The following ARHGAP15 variants were observed in gnomAD, a reference collection of about 807,000 sequenced individuals.
The protein encoded by ARHGAP15 is Rho GTPase activating protein 15.
Under a neutral mutation model 63.7 loss-of-function variants are expected in ARHGAP15, and 51 were observed. The observed-to-expected ratio is 0.80, with a 90% CI of 0.64 to 1.01. The LOEUF (loss-of-function observed/expected upper bound fraction) is 1.01, where lower values mean the gene tolerates loss of function less well. Among genes scored for constraint, ARHGAP15 ranks in the 50% least tolerant of loss-of-function variants. ARHGAP15 has a pLI of 0.00. For synonymous variants in ARHGAP15, 191 were observed against 193.8 expected (o/e 0.99, Z 0.12); for missense variants, 560 against 564.6 (o/e 0.99, Z 0.08).
intron 2 of ARHGAP15, among the ~76,000 whole-genome samples, chr2:143,159,026 C>A (rs1378741957): frequency 1.3e-5 from 2 of 151,890 alleles, no homozygotes; most frequent in Non-Finnish European, 2.9e-5. Context: ...AGAGTAGTTT[C>A]GGCATTTAAT....
intron 4 of ARHGAP15, among the ~76,000 whole-genome samples, chr2:143,226,962 CA>C: frequency 1.3e-5 from 2 of 152,176 alleles, no homozygotes; most frequent in South Asian, 4.1e-4. Flanking sequence ...CAAAGATCTT[CA>C]ATAGTCATTT....
chr2:143,586,705 T>A (rs1037173731), intron 11 of ARHGAP15, among the ~76,000 whole-genome samples: 4 of 152,162 alleles, frequency 2.6e-5, no homozygotes, highest in Non-Finnish European at 5.9e-5. Flanking sequence ...GGTTAACTAT[T>A]TGTCTGAATT....
At chr2:143,173,532 A>G (rs1237768610) in intron 2 of ARHGAP15, among the ~76,000 whole-genome samples, 3 of 152,268 alleles carry the variant, frequency 2.0e-5, no homozygotes, top group Middle Eastern at 3.4e-3. Context: ...CATGCAAAAT[A>G]AATGTTCAAA....
Position 143,477,606 on chromosome 2 carries a change from T to C in ARHGAP15, c.704-9767T>C, listed in dbSNP as rs576542936. Among the ~76,000 whole-genome samples the C allele has an allele frequency of 2.6e-5, 4 of 151,962 alleles. No homozygotes were observed. The South Asian group carries it at 8.3e-4, about 32-fold the overall frequency. On this transcript the variant is annotated intron_variant, in intron 8 of 13. Coordinates refer to ENST00000295095, the MANE Select transcript of ARHGAP15 (RefSeq NM_018460.4). ...ACAATACAGGCACAAAAAACTGGCA[T>C]AGCTTGAATAAGATACAACGTTAAG...
At chr2:143,255,460 G>A (rs1265344832) in intron 6 of ARHGAP15, among the ~76,000 whole-genome samples, 1 of 151,920 alleles carries the variant, frequency 6.6e-6, no homozygotes, top group Non-Finnish European at 1.5e-5. Context: ...GGAGTCTTCT[G>A]ACTACAATGT....
chr2:143,536,269 T>C (rs1694755044), intron 10 of ARHGAP15, among the ~76,000 whole-genome samples: 1 of 152,232 alleles, frequency 6.6e-6, no homozygotes, highest in South Asian at 2.1e-4. Context: ...GTCAACCTTT[T>C]TGAATTCCAC....
At chr2:143,490,246 G>T (rs1279949661) in intron 9 of ARHGAP15, among the ~76,000 whole-genome samples, 1 of 152,098 alleles carries the variant, frequency 6.6e-6, no homozygotes, top group East Asian at 1.9e-4. Flanking sequence ...TGATCCACCC[G>T]CCTCAGCCTC....
intron 10 of ARHGAP15, among the ~76,000 whole-genome samples, chr2:143,531,496 G>A (rs1694522889): frequency 6.6e-6 from 1 of 152,062 alleles, no homozygotes; most frequent in African/African-American, 2.4e-5. Flanking sequence ...TAAATAGCAG[G>A]TTTATAGGGT....
At chr2:143,464,964 TA>T (rs1325808241) in intron 8 of ARHGAP15, among the ~76,000 whole-genome samples, 1 of 152,136 alleles carries the variant, frequency 6.6e-6, no homozygotes, top group African/African-American at 2.4e-5. Context: ...TTTTTAAACT[TA>T]AAAAACACCC....
In ARHGAP15 at chr2:143,397,316, A is replaced by ATGTGTG. The variant is rs71411383; in HGVS notation, c.475-38259_475-38254dup. On this transcript the variant is annotated intron_variant, in intron 6 of 13. Coordinates refer to ENST00000295095, the MANE Select transcript of ARHGAP15 (RefSeq NM_018460.4). Reference sequence around the variant, plus strand: ...TGGACAATAATAATATGAGATATGTATGTGTGTGTGTGTGTGTGTGTGTGT... The same window carrying ATGTGTG: ...TGGACAATAATAATATGAGATATGTATGTGTGTGTGTGTGTGTGTGTGTGTGTGTGT... Among the ~76,000 whole-genome samples the ATGTGTG allele has an allele frequency of 9.4e-3, 1,395 of 147,692 alleles. 13 individuals carry two copies. The highest frequency in any genetic ancestry group is 0.018 in the East Asian group (88 of 4,934).
At chr2:143,577,534 A>G (rs1696721864) in intron 11 of ARHGAP15, among the ~76,000 whole-genome samples, 1 of 150,904 alleles carries the variant, frequency 6.6e-6, no homozygotes, top group Non-Finnish European at 1.5e-5. Flanking sequence ...GTAAGGCCTA[A>G]CCTCTCTCGG....
At chr2:143,174,661 G>C (rs1690939639) in intron 2 of ARHGAP15, among the ~76,000 whole-genome samples, 1 of 152,050 alleles carries the variant, frequency 6.6e-6, no homozygotes, top group Non-Finnish European at 1.5e-5. Context: ...TATGAATTCA[G>C]TTGAAGTGAT....
At chr2:143,337,986 T>C (rs770014073) in intron 6 of ARHGAP15, among the ~76,000 whole-genome samples, 4 of 152,238 alleles carry the variant, frequency 2.6e-5, no homozygotes, top group Non-Finnish European at 5.9e-5. Context: ...CTTTCACTTC[T>C]AGTTCTCAAA....
At chr2:143,303,749 T>C (rs1683028784) in intron 6 of ARHGAP15, among the ~76,000 whole-genome samples, 1 of 151,780 alleles carries the variant, frequency 6.6e-6, no homozygotes, top group South Asian at 2.1e-4. Flanking sequence ...TACAAAGAAC[T>C]CAAACAAATT....
rs1437041488 is a variant in ARHGAP15, at chr2:143,379,485, ATATGTGTGTGTGTGTG to A, written c.475-56114_475-56099del. On this transcript the variant is annotated intron_variant, in intron 6 of 13. Transcript: ENST00000295095. Reference sequence around the variant, plus strand: ...TTAACAAGGTGGTTTTTAGGCATATATATGTGTGTGTGTGTGTGTGTGTGTGTGTGTGTGTGTGTGT... The same window carrying A: ...TTAACAAGGTGGTTTTTAGGCATATATGTGTGTGTGTGTGTGTGTGTGTGT... 1.4e-4 allele frequency among the ~76,000 whole-genome samples: 13 copies of A among 90,190 alleles called. No homozygotes were observed. The South Asian group carries it at 1.6e-3, about 11-fold the overall frequency. The allele number at this position is 90,190 out of a possible 152,430, so 59.2% of individuals were successfully genotyped here. A position where few individuals can be genotyped will look rare whatever the true frequency, so the allele number is the denominator to read the frequency against.
At chr2:143,531,740 A>T (rs1694532902) in intron 10 of ARHGAP15, among the ~76,000 whole-genome samples, 1 of 152,214 alleles carries the variant, frequency 6.6e-6, no homozygotes, top group Admixed American at 6.5e-5. Flanking sequence ...GACATTTATT[A>T]AGCACTCATA....
At chr2:143,295,800 C>G (rs1009065767) in intron 6 of ARHGAP15, 1 of 151,888 alleles carries the variant, frequency 6.6e-6, no homozygotes, top group Non-Finnish European at 1.5e-5. Context: ...TCTGGTAATG[C>G]CTGGCACTCT....
At chr2:143,323,915 A>AAAC (rs1553464193) in intron 6 of ARHGAP15, among the ~76,000 whole-genome samples, 4 of 149,696 alleles carry the variant, frequency 2.7e-5, no homozygotes, top group African/African-American at 1.0e-4. Context: ...AAAAAAAAAA[A>AAAC]AAAAAAAACA....
At chr2:143,364,860 T>A (rs1214704449) in intron 6 of ARHGAP15, among the ~76,000 whole-genome samples, 1 of 151,968 alleles carries the variant, frequency 6.6e-6, no homozygotes, top group Non-Finnish European at 1.5e-5. Context: ...ACAACAATTA[T>A]CCAGGCATGG....
Sources: allele counts gnomAD v4.1 joint callset (sites outside exome capture counted in the v4.1 genomes callset), GRCh38; gene constraint gnomAD v4.1.1; transcripts MANE v1.5; gene names NCBI Gene and HGNC (gene_info 2026-07-23, HGNC 2026-07-21).